The following DIAPH1 variants were observed in gnomAD, a reference collection of about 807,000 sequenced individuals.
DIAPH1 encodes diaphanous related formin 1.
Under a neutral mutation model 140.7 loss-of-function variants are expected in DIAPH1, and 46 were observed. That is an observed-to-expected ratio of 0.33 (90% confidence interval 0.26 to 0.42). The LOEUF (loss-of-function observed/expected upper bound fraction) is 0.42. Among genes scored for constraint, DIAPH1 ranks in the 10% least tolerant of loss-of-function variants. The pLI, the probability that DIAPH1 is intolerant of heterozygous loss-of-function variation, is 1.00. For synonymous variants in DIAPH1, 565 were observed against 551.6 expected (o/e 1.02, Z -0.34); for missense variants, 1,310 against 1,558.7 (o/e 0.84, Z 2.69).
chr5:141,580,322 A>G (rs1248371289), intron 8 of DIAPH1, among the ~76,000 whole-genome samples: 1 of 152,236 alleles, frequency 6.6e-6, no homozygotes, highest in African/African-American at 2.4e-5. Flanking sequence ...CTATGAGACT[A>G]TACCATGCCA....
At chr5:141,555,841 C>T (rs2099892486) in intron 18 of DIAPH1, among the ~76,000 whole-genome samples, 1 of 152,192 alleles carries the variant, frequency 6.6e-6, no homozygotes, top group Non-Finnish European at 1.5e-5. Context: ...GCAATCCTGA[C>T]CTATTCAGCA....
chr5:141,581,503 T>A (rs1294268453), intron 7 of DIAPH1, among the ~76,000 whole-genome samples: 1 of 152,204 alleles, frequency 6.6e-6, no homozygotes, highest in East Asian at 1.9e-4. Context: ...AGAATAAAAG[T>A]CTTTGATTTA....
At position 141,584,223 on chromosome 5, in the gene DIAPH1, C is replaced by T. The variant is rs759216230; in HGVS notation, c.303G>A (p.Leu101=). Residue 101 remains leucine (L), a splice_region_variant and synonymous_variant, in exon 4 of 28, where the codon CTG becomes CTA. Transcript: ENST00000389054. ...GTTTCTCCTCATTCAGGTTCATATC[C>T]AGCTAGGAGAGGGAGAAAAAAGAGA... ...QVLVLFEQML[L]DMNLNEEKQQ... 1 of 1,601,176 alleles carries T rather than the reference C, an allele frequency of 6.2e-7. No homozygotes were observed. Among genetic ancestry groups the T allele is most frequent in the South Asian group, 1.1e-5 (1 of 90,696 alleles).
intron 18 of DIAPH1, among the ~76,000 whole-genome samples, chr5:141,559,534 G>A (rs1468366568): frequency 6.6e-6 from 1 of 152,236 alleles, no homozygotes; most frequent in Non-Finnish European, 1.5e-5. Flanking sequence ...GAGTTATAAA[G>A]AAGGGGACAG....
At chr5:141,590,564 G>C (rs551050676) in intron 1 of DIAPH1, among the ~76,000 whole-genome samples, 2 of 152,246 alleles carry the variant, frequency 1.3e-5, no homozygotes, top group South Asian at 4.1e-4. Flanking sequence ...CCGTAGCCAA[G>C]GTTAAACTTA....
At chr5:141,546,481 C>A (rs964258414) in intron 18 of DIAPH1, among the ~76,000 whole-genome samples, 1 of 151,906 alleles carries the variant, frequency 6.6e-6, no homozygotes, top group Non-Finnish European at 1.5e-5. Context: ...CGTGGTGAAA[C>A]CCCGTCTCTA....
At chr5:141,587,314 C>T in intron 2 of DIAPH1, 117 bp from the exon 3 acceptor site, 1 of 982,918 alleles carries the variant, frequency 1.0e-6, no homozygotes, top group African/African-American at 1.6e-5. Flanking sequence ...GGTTCACAAG[C>T]AGTTCAAGAC....
rs1562276456 is a variant in DIAPH1 at position 141,518,696 on chromosome 5, A to AT, written c.3662-1689dup. Reference sequence around the variant, plus strand: ...TGCCACCATATCTGGCTATTTTTGTATTTTTTTGCAGAGATGGGGTCTCTC... The same window carrying AT: ...TGCCACCATATCTGGCTATTTTTGTATTTTTTTTGCAGAGATGGGGTCTCTC... On this transcript the variant is annotated intron_variant, in intron 27 of 27. Coordinates refer to ENST00000389054, the MANE Select transcript of DIAPH1 (RefSeq NM_005219.5). The AT allele has an allele frequency of 2.3e-5, 12 of 524,110 alleles. No homozygotes were observed. The East Asian group carries it at 2.5e-4, about 11-fold the overall frequency. The allele number at this position is 524,110 out of a possible 1,614,324, so 32.5% of individuals were successfully genotyped here. A position where few individuals can be genotyped will look rare whatever the true frequency, so the allele number is the denominator to read the frequency against.
At chr5:141,524,433 G>T in intron 26 of DIAPH1, 1 of 627,926 alleles carries the variant, frequency 1.6e-6, no homozygotes, top group Non-Finnish European at 2.9e-6. Flanking sequence ...TAAAACAAAA[G>T]ATCTCATTGC....
chr5:141,581,533 CT>C (rs2099896744), intron 7 of DIAPH1, among the ~76,000 whole-genome samples: 2 of 152,148 alleles, frequency 1.3e-5, no homozygotes, highest in African/African-American at 4.8e-5. Context: ...TGTTAATTCT[CT>C]CCCCGCAATC....
chr5:141,547,767 T>G (rs2099891036), intron 18 of DIAPH1, among the ~76,000 whole-genome samples: 1 of 152,128 alleles, frequency 6.6e-6, no homozygotes. Context: ...AGAAAATAGT[T>G]GTGTATTTTT....
At chr5:141,521,209 T>C (rs1330422070) in intron 27 of DIAPH1, among the ~76,000 whole-genome samples, 1 of 152,174 alleles carries the variant, frequency 6.6e-6, no homozygotes, top group African/African-American at 2.4e-5. Context: ...GTTAGATGGA[T>C]GGAGCTTATA....
chr5:141,570,537 C>T (rs567813915), intron 18 of DIAPH1, among the ~76,000 whole-genome samples: 1 of 152,092 alleles, frequency 6.6e-6, no homozygotes, highest in South Asian at 2.1e-4. Flanking sequence ...GCCACCAAGG[C>T]ACCTCACAAT....
chr5:141,597,674 C>T (rs1362282315), intron 1 of DIAPH1, among the ~76,000 whole-genome samples: 3 of 152,210 alleles, frequency 2.0e-5, no homozygotes, highest in Non-Finnish European at 4.4e-5. Context: ...AGCAATGAGA[C>T]TTGAGCCAGA....
chr5:141,547,397 G>A (rs190706725), intron 18 of DIAPH1, among the ~76,000 whole-genome samples: 40 of 152,228 alleles, frequency 2.6e-4, no homozygotes, highest in Admixed American at 8.5e-4. Flanking sequence ...CCCAGGAGAC[G>A]GAGCTTGCAG....
chr5:141,583,327 A>G lies in DIAPH1; in HGVS notation c.534-35T>C, dbSNP rs1199856462. The G allele has an allele frequency of 2.5e-6, 4 of 1,608,070 alleles. No homozygotes were observed. The African/African-American group carries it at 5.3e-5, about 22-fold the overall frequency. ...ACAGAGAGAGGCAATGCAATATCAA[A>G]CCAATAAATACTTATTTGCCAAACA... On this transcript the variant is annotated intron_variant, in intron 5 of 27. Coordinates refer to ENST00000389054, the MANE Select transcript of DIAPH1 (RefSeq NM_005219.5).
At chr5:141,597,015 G>C (rs1183888599) in intron 1 of DIAPH1, among the ~76,000 whole-genome samples, 1 of 152,088 alleles carries the variant, frequency 6.6e-6, no homozygotes. Flanking sequence ...AAAAGGACTG[G>C]AAGAATTAAG....
chr5:141,517,697 A>T (rs1388577981), intron 27 of DIAPH1, among the ~76,000 whole-genome samples: 1 of 152,080 alleles, frequency 6.6e-6, no homozygotes, highest in Non-Finnish European at 1.5e-5. Context: ...GTAGTAATAA[A>T]AACTATGCCA....
intron 1 of DIAPH1, among the ~76,000 whole-genome samples, chr5:141,592,777 A>C (rs1356089764): frequency 6.6e-6 from 1 of 152,140 alleles, no homozygotes; most frequent in Non-Finnish European, 1.5e-5. Context: ...TAGCACTTAT[A>C]CCTTTAACTA....
Sources: gnomAD v4.1 joint callset for allele counts (sites outside exome capture counted in the v4.1 genomes callset) on GRCh38, gnomAD v4.1.1 for gene constraint, MANE v1.5 for transcripts, NCBI Gene and HGNC (gene_info 2026-07-23, HGNC 2026-07-21) for gene names.